Variants in PCDHGA12 observed in about 807,000 individuals in gnomAD.
The protein encoded by PCDHGA12 is protocadherin gamma subfamily A, 12, also known as protocadherin gamma-A12.
Under a neutral mutation model 61.1 loss-of-function variants are expected in PCDHGA12, and 43 were observed. The observed-to-expected ratio is 0.70, with a 90% CI of 0.55 to 0.91. PCDHGA12 has a LOEUF of 0.91. Ranked by LOEUF, PCDHGA12 falls within the 40% of genes least tolerant of loss-of-function variation. The pLI, the probability that PCDHGA12 is intolerant of heterozygous loss-of-function variation, is 0.00. For synonymous variants in PCDHGA12, 520 were observed against 542.9 expected (o/e 0.96, Z 0.59); for missense variants, 1,236 against 1,227.7 (o/e 1.01, Z -0.10).
chr5:141,503,924 G>C (rs1282755998), intron 2 of PCDHGA12, among the ~76,000 whole-genome samples: 1 of 152,146 alleles, frequency 6.6e-6, no homozygotes, highest in Non-Finnish European at 1.5e-5. Flanking sequence ...CACACACACA[G>C]ACATTTTCAT....
intron 1 of PCDHGA12, among the ~76,000 whole-genome samples, chr5:141,449,588 CAAAAAAAA>C (rs768743917): frequency 1.7e-5 from 1 of 57,492 alleles, no homozygotes; most frequent in South Asian, 6.3e-4. Context: ...GACTCTGTCT[CAAAAAAAA>C]AAAAAAAAAA....
At chr5:141,505,913 T>C (rs1457583355) in intron 3 of PCDHGA12, among the ~76,000 whole-genome samples, 1 of 152,098 alleles carries the variant, frequency 6.6e-6, no homozygotes, top group African/African-American at 2.4e-5. Context: ...AAGCATAGAG[T>C]TCTGGGCCTG....
In PCDHGA12 at chr5:141,490,081, T is replaced by A; in HGVS notation, c.2425-4726T>A. Reference sequence around the variant, plus strand: ...CACCAACGGCCAACTAGACTATTCTTTTGGAGACCACACATCTGAGGCAGT... The same window carrying A: ...CACCAACGGCCAACTAGACTATTCTATTGGAGACCACACATCTGAGGCAGT... On this transcript the variant is annotated intron_variant, in intron 1 of 3. Coordinates refer to ENST00000252085, the MANE Select transcript of PCDHGA12 (RefSeq NM_003735.3). The surrounding 1 kb of genome is among the most constrained non-coding windows in gnomAD (Gnocchi z 5.4). 3 of 1,614,216 alleles carry A rather than the reference T, an allele frequency of 1.9e-6. No homozygotes were observed. Among genetic ancestry groups the A allele is most frequent in the Non-Finnish European group, 2.5e-6 (3 of 1,180,040 alleles).
chr5:141,437,030 A>G (rs1246601314), intron 1 of PCDHGA12, among the ~76,000 whole-genome samples: 1 of 152,248 alleles, frequency 6.6e-6, no homozygotes, highest in Non-Finnish European at 1.5e-5. Context: ...CAGAAAATGG[A>G]TCACCGAAAC....
chr5:141,467,764 TGCCCGCACCTCA>T (rs544344217), intron 1 of PCDHGA12, among the ~76,000 whole-genome samples: 90 of 152,158 alleles, frequency 5.9e-4, no homozygotes, highest in South Asian at 1.0e-3. Context: ...CATGCTCAAG[TGCCCGCACCTCA>T]GCCTCTCAAG....
intron 1 of PCDHGA12, among the ~76,000 whole-genome samples, chr5:141,454,701 C>G (rs1182969868): frequency 6.6e-6 from 1 of 151,760 alleles, no homozygotes; most frequent in Non-Finnish European, 1.5e-5. Context: ...CCACCATGCT[C>G]CACCTGCTTA....
In PCDHGA12 at chr5:141,432,076, G is replaced by A. The variant is rs1442341840; in HGVS notation, c.1317G>A (p.Ser439=). The A allele has an allele frequency of 1.2e-6, 2 of 1,614,160 alleles. No homozygotes were observed. Among genetic ancestry groups the A allele is most frequent in the East Asian group, 2.2e-5 (1 of 44,872 alleles). The change falls in exon 1 of 4, where the codon TCG becomes TCA. Residue 439 remains serine, a synonymous_variant. Coordinates refer to ENST00000252085, the MANE Select transcript of PCDHGA12 (RefSeq NM_003735.3). This position sits in a 1 kb window ranked among gnomAD's most constrained non-coding sequence, Gnocchi z 6.0. ...TPPLSTETHI[S]LNVADTNDNP... is the part of the protein sequence containing the mutation. ...CCCTATCCACGGAAACTCATATCTCGCTGAACGTGGCAGACACCAACGACA... is the reference window on the plus strand; with the variant it reads ...CCCTATCCACGGAAACTCATATCTCACTGAACGTGGCAGACACCAACGACA...
chr5:141,452,654 T>C (rs2098746449), intron 1 of PCDHGA12, among the ~76,000 whole-genome samples: 1 of 151,162 alleles, frequency 6.6e-6, no homozygotes, highest in Non-Finnish European at 1.5e-5. Context: ...ATTTGCTCCA[T>C]CCACTGCACT....
chr5:141,456,026 T>A (rs2098840894), intron 1 of PCDHGA12, among the ~76,000 whole-genome samples: 1 of 151,690 alleles, frequency 6.6e-6, no homozygotes, highest in African/African-American at 2.4e-5. Context: ...GCCTCCCGAG[T>A]AGCTGGGACT....
intron 1 of PCDHGA12, among the ~76,000 whole-genome samples, chr5:141,459,160 T>C (rs1330588092): frequency 6.6e-6 from 1 of 152,228 alleles, no homozygotes; most frequent in African/African-American, 2.4e-5. Context: ...AGAACATTTC[T>C]ATAACCTTCA....
rs1562144438 is a variant in PCDHGA12, at chr5:141,491,135, G to A, written c.2425-3672G>A. On this transcript the variant is annotated intron_variant, in intron 1 of 3. Transcript: ENST00000252085. The surrounding 1 kb of genome is among the most constrained non-coding windows in gnomAD (Gnocchi z 6.9). Reference sequence around the variant, plus strand: ...CACACTGGTGAGGTGCGCACAGCCCGGGCCTTACTGGAGGATGACTCTGAC... The same window carrying A: ...CACACTGGTGAGGTGCGCACAGCCCAGGCCTTACTGGAGGATGACTCTGAC... 4 of 1,614,104 alleles carry A rather than the reference G, an allele frequency of 2.5e-6. No homozygotes were observed. The highest frequency in any genetic ancestry group is 1.3e-5 in the African/African-American group (1 of 75,034).
intron 1 of PCDHGA12, among the ~76,000 whole-genome samples, chr5:141,449,030 G>C (rs2098623784): frequency 6.6e-6 from 1 of 152,012 alleles, no homozygotes; most frequent in Non-Finnish European, 1.5e-5. Context: ...GCATTCCTTT[G>C]GATTATTAAC....
intron 1 of PCDHGA12, among the ~76,000 whole-genome samples, chr5:141,454,932 C>T (rs945154196): frequency 1.3e-5 from 2 of 150,768 alleles, no homozygotes; most frequent in African/African-American, 2.4e-5. Context: ...CTCAGCCTCC[C>T]GAGTAGCTGG....
rs1212833348 is a variant in PCDHGA12 at position 141,431,379 on chromosome 5, C to T, written c.620C>T (p.Ala207Val). Residue 207 changes from alanine (A) to valine (V), a missense_variant, in exon 1 of 4, where the codon GCT (alanine) becomes GTT (valine). Physicochemically the swap from Ala to Val is moderately conservative, Grantham distance 64. Transcript: ENST00000252085. The surrounding 1 kb of genome is among the most constrained non-coding windows in gnomAD (Gnocchi z 4.8). ...KRALDREEKA[A>V]HHLVLTASDG... is the part of the protein sequence containing the mutation. ...GCCCTGGACCGCGAAGAAAAGGCTG[C>T]TCACCACCTGGTCCTTACGGCCTCC... is the stretch of plus-strand genomic sequence containing the variant. 3 of 1,613,946 alleles carry T rather than the reference C, an allele frequency of 1.9e-6. No individual in the cohort carries two copies. Among genetic ancestry groups the T allele is most frequent in the Non-Finnish European group, 2.5e-6 (3 of 1,180,020 alleles).
chr5:141,432,139 TATCCCAGAGAACA>T lies in PCDHGA12; in HGVS notation c.1390_1402del (p.Asn464GlufsTer7), dbSNP rs745506362. On this transcript the variant is annotated frameshift_variant, in exon 1 of 4. Transcript: ENST00000252085. LOFTEE classifies it high-confidence loss of function. The surrounding 1 kb of genome is among the most constrained non-coding windows in gnomAD (Gnocchi z 6.0). ...TCCCTCAGGCCTCCTATTCCGCTTA[TATCCCAGAGAACA>T]ATCCCAGAGGAGTTTCCCTCGTCTC... 1.1e-5 allele frequency: 17 copies of T among 1,613,976 alleles called. No individual in the cohort carries two copies. The highest frequency in any genetic ancestry group is 1.3e-5 in the African/African-American group (1 of 74,892).
In PCDHGA12 at chr5:141,439,058, TGGCA is replaced by T. The variant is rs1241503235; in HGVS notation, c.2424+5879_2424+5882del. On this transcript the variant is annotated intron_variant, in intron 1 of 3. Transcript: ENST00000252085. ...CAGTTCATAAGATTTCCATATTGTG[TGGCA>T]GGCGCCTGTAATCCCAGCTACTCAG... 2.0e-5 allele frequency among the ~76,000 whole-genome samples: 3 copies of T among 151,580 alleles called. No individual in the cohort carries two copies. The East Asian group carries it at 5.9e-4, about 30-fold the overall frequency.
At position 141,490,370 on chromosome 5, in the gene PCDHGA12, G is replaced by C. The variant is rs768474199; in HGVS notation, c.2425-4437G>C. ...GTGGGGTTGTTTAATGTGCGAGACC[G>C]GGACTCAGGTAGAAATGGTGAAGTG... On this transcript the variant is annotated intron_variant, in intron 1 of 3. Coordinates refer to ENST00000252085, the MANE Select transcript of PCDHGA12 (RefSeq NM_003735.3). The surrounding 1 kb of genome is among the most constrained non-coding windows in gnomAD (Gnocchi z 5.4). 1 of 1,614,172 alleles carries C rather than the reference G, an allele frequency of 6.2e-7. No individual in the cohort carries two copies. Among genetic ancestry groups the C allele is most frequent in the Admixed American group, 1.7e-5 (1 of 60,026 alleles).
At position 141,498,660 on chromosome 5, in the gene PCDHGA12, G is replaced by A. The variant is rs969314533; in HGVS notation, c.2483+3795G>A. Among the ~76,000 whole-genome samples, 11 of 152,192 alleles carry A rather than the reference G, an allele frequency of 7.2e-5. No homozygotes were observed. In the East Asian group the frequency reaches 9.6e-4, roughly 13 times the overall value. ...GAAGGAAGAAGACCTGGCCAGGTGT[G>A]GTGGCTCACGCCTGTAATCCCAGCA... is the stretch of plus-strand genomic sequence containing the variant. On this transcript the variant is annotated intron_variant, in intron 2 of 3. Coordinates refer to ENST00000252085, the MANE Select transcript of PCDHGA12 (RefSeq NM_003735.3).
At chr5:141,443,871 G>A (rs1395939418) in intron 1 of PCDHGA12, among the ~76,000 whole-genome samples, 1 of 152,112 alleles carries the variant, frequency 6.6e-6, no homozygotes, top group East Asian at 1.9e-4. Context: ...AAAAATTACT[G>A]ATAAGTCAAG....
Sources: allele counts gnomAD v4.1 joint callset (sites outside exome capture counted in the v4.1 genomes callset), GRCh38; gene constraint gnomAD v4.1.1; non-coding constraint Gnocchi (gnomAD v3.1); transcripts MANE v1.5; gene names NCBI Gene and HGNC (gene_info 2026-07-23, HGNC 2026-07-21).